The following DNAH12 variants were observed in gnomAD, a reference collection of about 807,000 sequenced individuals.
DNAH12 encodes axonemal beta dynein heavy chain 12.
A neutral mutation model predicts 371.5 loss-of-function variants in DNAH12; 285 were observed. That is an observed-to-expected ratio of 0.77 (90% CI 0.70 to 0.85). The LOEUF (loss-of-function observed/expected upper bound fraction) is 0.85. DNAH12 is among the 40% of genes least tolerant of loss of function. DNAH12 has a pLI of 0.00. For synonymous variants in DNAH12, 1,200 were observed against 1,213.0 expected, an observed-to-expected ratio of 0.99 and a Z score of 0.22; for missense variants, 3,611 against 3,689.4, an observed-to-expected ratio of 0.98 and a Z score of 0.55.
intron 44 of DNAH12, among the ~76,000 whole-genome samples, chr3:57,392,480 T>C (rs36193687): frequency 0.45 from 68,557 of 151,810 alleles, 16,440 homozygotes; most frequent in East Asian, 0.61. Flanking sequence ...GGAATCCTAG[T>C]TTCTTGGGAG....
chr3:57,351,411 G>T (rs1553660186), intron 60 of DNAH12, among the ~76,000 whole-genome samples: 1 of 152,128 alleles, frequency 6.6e-6, no homozygotes. Context: ...TTTCTTTCTG[G>T]ACATCTTCCC....
At chr3:57,388,001 G>T (rs1233899705) in intron 45 of DNAH12, among the ~76,000 whole-genome samples, 1 of 152,036 alleles carries the variant, frequency 6.6e-6, no homozygotes, top group Non-Finnish European at 1.5e-5. Context: ...GTTACTGGGA[G>T]ACGATCACAA....
intron 66 of DNAH12, among the ~76,000 whole-genome samples, chr3:57,314,277 A>G (rs2061641421): frequency 6.6e-6 from 1 of 152,144 alleles, no homozygotes; most frequent in African/African-American, 2.4e-5. Flanking sequence ...TATGTGAGTA[A>G]TGAGTTTCAT....
intron 43 of DNAH12, among the ~76,000 whole-genome samples, chr3:57,399,475 A>G (rs2063811648): frequency 6.6e-6 from 1 of 152,228 alleles, no homozygotes; most frequent in Non-Finnish European, 1.5e-5. Context: ...GAATGGAAAA[A>G]GATATACCAG....
chr3:57,464,005 G>T (rs1489495633), intron 17 of DNAH12, among the ~76,000 whole-genome samples: 1 of 151,990 alleles, frequency 6.6e-6, no homozygotes, highest in Non-Finnish European at 1.5e-5. Context: ...TTCCACATCT[G>T]CATTGCCCCT....
Position 57,476,336 on chromosome 3 carries a change from C to T in DNAH12, c.1651-3665G>A, listed in dbSNP as rs545533244. Among the ~76,000 whole-genome samples the T allele has an allele frequency of 3.9e-4, 59 of 152,156 alleles. No homozygotes were observed. In the South Asian group the frequency reaches 3.9e-3, roughly 10 times the overall value. Reference sequence around the variant, plus strand: ...ATCCTAGCACTTTGGGAGGCTGAGACGGGCAGATCATAAAGTCAGGAGTTC... The same window carrying T: ...ATCCTAGCACTTTGGGAGGCTGAGATGGGCAGATCATAAAGTCAGGAGTTC... On this transcript the variant is annotated intron_variant, in intron 13 of 73. Coordinates refer to ENST00000495027, the MANE Select transcript of DNAH12 (RefSeq NM_001366028.2).
At chr3:57,334,663 G>C in intron 61 of DNAH12, 54 bp from the exon 62 acceptor site, 4 of 1,513,718 alleles carry the variant, frequency 2.6e-6, no homozygotes, top group Non-Finnish European at 3.5e-6. Context: ...ACTTAAAAGA[G>C]ATTGTTGAAC....
intron 65 of DNAH12, among the ~76,000 whole-genome samples, chr3:57,317,421 T>C (rs778372386): frequency 2.6e-5 from 4 of 152,192 alleles, no homozygotes; most frequent in African/African-American, 7.2e-5. Context: ...CTTCTGATTC[T>C]ATGAGTTTGA....
rs377438581 is a variant in DNAH12, at chr3:57,326,561, A to G, written c.9979-2942T>C. ...CCCTAAAAGAGCTCCTGAAGGAAGC[A>G]CTAAACATGGAAAGGAACAACCAGT... On this transcript the variant is annotated intron_variant, in intron 62 of 73. Transcript: ENST00000495027. 3.0e-4 allele frequency among the ~76,000 whole-genome samples: 45 copies of G among 152,328 alleles called. No individual in the cohort carries two copies. The East Asian group carries it at 3.5e-3, about 12-fold the overall frequency.
chr3:57,408,235 G>A, intron 40 of DNAH12, 45 bp downstream of exon 40: 2 of 1,442,064 alleles, frequency 1.4e-6, no homozygotes, highest in Non-Finnish European at 1.8e-6. Context: ...GCCAAATGAG[G>A]GAAATATGTA....
At chr3:57,334,748 A>G in intron 61 of DNAH12, 34 bp downstream of exon 61, 1 of 1,529,486 alleles carries the variant, frequency 6.5e-7, no homozygotes, top group Non-Finnish European at 8.8e-7. Flanking sequence ...ACATATTGCC[A>G]TTCAATGATA....
intron 60 of DNAH12, among the ~76,000 whole-genome samples, chr3:57,343,689 T>C (rs530074522): frequency 2.6e-5 from 4 of 152,126 alleles, no homozygotes; most frequent in African/African-American, 9.6e-5. Context: ...GCAGTTGAGA[T>C]AGAGGAAGGC....
In DNAH12 at chr3:57,323,541, T is replaced by G; in HGVS notation, c.10057A>C (p.Lys3353Gln). The G allele has an allele frequency of 3.9e-6, 6 of 1,551,126 alleles. No individual in the cohort carries two copies. The highest frequency in any genetic ancestry group is 5.2e-6 in the Non-Finnish European group (6 of 1,146,820). ...GTGCAATTTGAATCCAAGTAACTCT[T>G]TGTCAAATCAAATGGTGGAGGCTCT... is the stretch of plus-strand genomic sequence containing the variant. ...FVEPPPFDLT[K>Q]SYLDSNCTIP... Residue 3353 changes from lysine (K) to glutamine (Q), a missense_variant, in exon 63 of 74, where the codon AAG (lysine) becomes CAG (glutamine). Transcript: ENST00000495027.
chr3:57,295,688 G>C lies in DNAH12; in HGVS notation c.11625-96C>G, dbSNP rs890828881. The C allele has an allele frequency of 1.0e-5, 10 of 981,426 alleles. No individual in the cohort carries two copies. The South Asian group carries it at 2.2e-4, about 21-fold the overall frequency. The allele number at this position is 981,426 out of a possible 1,614,324, so 60.8% of individuals were successfully genotyped here. A position where few individuals can be genotyped will look rare whatever the true frequency, so the allele number is the denominator to read the frequency against. On this transcript the variant is annotated intron_variant, in intron 72 of 73. Coordinates refer to ENST00000495027, the MANE Select transcript of DNAH12 (RefSeq NM_001366028.2). ...AGATATTGGCTTTTACTAAAAGAAA[G>C]GACTAGAGGCATAGAGAAAAAGAAA...
chr3:57,322,471 T>G lies in DNAH12; in HGVS notation c.10396A>C (p.Ile3466Leu), dbSNP rs1054408138. The change falls in exon 65 of 74, where the codon ATT (isoleucine) becomes CTT (leucine). Residue 3466 changes from isoleucine to leucine, a missense_variant. Ile to Leu is a conservative substitution (Grantham distance 5). Transcript: ENST00000495027. ...GTCATTTTTACTCCATTCTGTAGAA[T>G]TGTTACTGGGAACTAAGACAAAATA... is the stretch of plus-strand genomic sequence containing the variant. ...SYPSSKFPVTILQNGVKMTNE... is the reference protein window; with the variant it reads ...SYPSSKFPVTLLQNGVKMTNE... 6.4e-7 allele frequency: 1 copy of G among 1,551,556 alleles called. No homozygotes were observed. Among genetic ancestry groups the G allele is most frequent in the Middle Eastern group, 1.7e-4 (1 of 5,992 alleles).
At chr3:57,299,951 G>T (rs961875674) in intron 70 of DNAH12, among the ~76,000 whole-genome samples, 1 of 152,194 alleles carries the variant, frequency 6.6e-6, no homozygotes, top group Non-Finnish European at 1.5e-5. Context: ...GGCCCCACGT[G>T]GGGGAGAACA....
At chr3:57,406,365 A>AAG (rs2064027555) in intron 40 of DNAH12, among the ~76,000 whole-genome samples, 1 of 151,688 alleles carries the variant, frequency 6.6e-6, no homozygotes, top group African/African-American at 2.4e-5. Context: ...TCAAAAAAAA[A>AAG]AAAAAAGAAA....
intron 43 of DNAH12, among the ~76,000 whole-genome samples, 197 bp downstream of exon 43, chr3:57,403,112 C>T (rs551857581): frequency 6.6e-6 from 1 of 152,068 alleles, no homozygotes; most frequent in African/African-American, 2.4e-5. Flanking sequence ...AGAATGAGAT[C>T]ATGTAGGTAA....
chr3:57,459,705 G>T lies in DNAH12; in HGVS notation c.2818C>A (p.Pro940Thr). The change falls in exon 20 of 74, where the codon CCC (proline) becomes ACC (threonine). Residue 940 changes from proline (P) to threonine (T), a missense_variant. Coordinates refer to ENST00000495027, the MANE Select transcript of DNAH12 (RefSeq NM_001366028.2). ...KVQAQWLYLE[P>T]IFCSEDIMQQ... ...ATGATATCCTCAGAACAAAAGATGG[G>T]CTCTAAGTACAGCCATTGAGCTTGT... 1 of 1,548,290 alleles carries T rather than the reference G, an allele frequency of 6.5e-7. No homozygotes were observed. Among genetic ancestry groups the T allele is most frequent in the Non-Finnish European group, 8.7e-7 (1 of 1,144,794 alleles).
Sources: allele counts gnomAD v4.1 joint callset (sites outside exome capture counted in the v4.1 genomes callset), GRCh38; gene constraint gnomAD v4.1.1; transcripts MANE v1.5; gene names NCBI Gene and HGNC (gene_info 2026-07-23, HGNC 2026-07-21).